SARS1: variants seen among roughly 807,000 people sequenced by gnomAD.
SARS1 encodes the protein serine--tRNA ligase, cytoplasmic.
A neutral mutation model predicts 63.7 loss-of-function variants in SARS1; 25 were observed. The observed-to-expected ratio is 0.39, with a 90% confidence interval of 0.29 to 0.55. SARS1 has a LOEUF of 0.55. Ranked by LOEUF, SARS1 falls within the 20% of genes least tolerant of loss-of-function variation. The probability of loss-of-function intolerance (pLI) is 0.62; values close to 1 mark genes in which losing one functional copy is unlikely to be tolerated. For synonymous variants in SARS1, 231 were observed against 243.5 expected (o/e 0.95, Z 0.48); for missense variants, 417 against 649.7 (o/e 0.64, Z 3.89).
At chr1:109,225,124 A>G (rs1175304588) in intron 2 of SARS1, among the ~76,000 whole-genome samples, 2 of 152,156 alleles carry the variant, frequency 1.3e-5, no homozygotes, top group African/African-American at 2.4e-5. Flanking sequence ...AAATAAATTA[A>G]TTAATTAAAT....
chr1:109,228,329 T>C (rs749466677), intron 2 of SARS1, 23 bp from the exon 3 acceptor site: 7 of 1,559,544 alleles, frequency 4.5e-6, no homozygotes, highest in Non-Finnish European at 6.2e-6. Context: ...TTTATTTGTG[T>C]TGGGTTTTTT....
rs980571980 is a variant in SARS1 at position 109,215,388 on chromosome 1, C to G, written c.136+1260C>G. Reference sequence around the variant, plus strand: ...AATGACTTTGAATGTGTTAGCTAGTCTTTTGGGTATAATGTCCACATCTGA... The same window carrying G: ...AATGACTTTGAATGTGTTAGCTAGTGTTTTGGGTATAATGTCCACATCTGA... On this transcript the variant is annotated intron_variant, in intron 1 of 10. Coordinates refer to ENST00000234677, the MANE Select transcript of SARS1 (RefSeq NM_006513.4). The G allele has an allele frequency of 9.1e-6, 9 of 985,340 alleles. No individual in the cohort carries two copies. In the African/African-American group the frequency reaches 1.4e-4, roughly 15 times the overall value. The allele number at this position is 985,340 out of a possible 1,614,324, so 61.0% of individuals were successfully genotyped here. A position where few individuals can be genotyped will look rare whatever the true frequency, so the allele number is the denominator to read the frequency against.
chr1:109,237,288 C>T lies in SARS1; in HGVS notation c.1302C>T (p.Thr434=), dbSNP rs745862569. The change falls in exon 10 of 11, where the codon ACC becomes ACT. Residue 434 remains threonine, a synonymous_variant. Coordinates refer to ENST00000234677, the MANE Select transcript of SARS1 (RefSeq NM_006513.4). The surrounding 1 kb of genome is among the most constrained non-coding windows in gnomAD (Gnocchi z 4.1). ...HMLNATMCAT[T]RTICAILENY... is the part of the protein sequence containing the mutation. ...TCAATGCTACCATGTGCGCCACTAC[C>T]CGTACCATCTGCGCCATCCTGGAGA... 4 of 1,614,144 alleles carry T rather than the reference C, an allele frequency of 2.5e-6. No homozygotes were observed. The Admixed American group carries it at 5.0e-5, about 20-fold the overall frequency.
intron 1 of SARS1, among the ~76,000 whole-genome samples, chr1:109,222,679 T>C (rs1654976288): frequency 6.6e-6 from 1 of 152,196 alleles, no homozygotes; most frequent in African/African-American, 2.4e-5. Context: ...GCTCTCTAGG[T>C]GCTATCTTAT....
chr1:109,225,158 T>C (rs1039806084), intron 2 of SARS1, among the ~76,000 whole-genome samples: 1 of 152,106 alleles, frequency 6.6e-6, no homozygotes, highest in African/African-American at 2.4e-5. Context: ...TAGATAACTT[T>C]TACATTGTAA....
chr1:109,236,241 T>C lies in SARS1; in HGVS notation c.1099+135T>C, dbSNP rs920745062. On this transcript the variant is annotated intron_variant, in intron 8 of 10. Coordinates refer to ENST00000234677, the MANE Select transcript of SARS1 (RefSeq NM_006513.4). ...CATTAATTAAAATATTACACTCTTC[T>C]CACTTGGGAGTATTTGGTGTTAAGA... 5 of 1,303,432 alleles carry C rather than the reference T, an allele frequency of 3.8e-6. No homozygotes were observed. The African/African-American group carries it at 4.4e-5, about 12-fold the overall frequency. 80.7% of individuals were successfully genotyped at this position (1,303,432 alleles called of 1,614,324 possible). A position where few individuals can be genotyped will look rare whatever the true frequency, so the allele number is the denominator to read the frequency against.
intron 1 of SARS1, among the ~76,000 whole-genome samples, chr1:109,223,756 A>G (rs1655009365): frequency 6.6e-6 from 1 of 152,192 alleles, no homozygotes; most frequent in Non-Finnish European, 1.5e-5. Flanking sequence ...GTGAGCCGAG[A>G]TTGCACCATT....
chr1:109,233,534 G>A (rs908781125), intron 6 of SARS1, among the ~76,000 whole-genome samples: 1 of 151,352 alleles, frequency 6.6e-6, no homozygotes, highest in Non-Finnish European at 1.5e-5. Context: ...TTTAGAAATG[G>A]CAGAGGGAAT....
At chr1:109,225,487 T>G (rs977732535) in intron 2 of SARS1, among the ~76,000 whole-genome samples, 2 of 152,222 alleles carry the variant, frequency 1.3e-5, no homozygotes, top group African/African-American at 2.4e-5. Context: ...GCCAGCTGGG[T>G]ATTTTTTGAA....
intron 1 of SARS1, among the ~76,000 whole-genome samples, chr1:109,222,884 G>A (rs1424631789): frequency 2.6e-5 from 4 of 152,110 alleles, no homozygotes; most frequent in Non-Finnish European, 4.4e-5. Flanking sequence ...GTGTGGTGGC[G>A]CACACCTGTA....
intron 5 of SARS1, 87 bp downstream of exon 5, chr1:109,231,108 CATA>C (rs1655202704): frequency 1.6e-5 from 14 of 857,538 alleles, no homozygotes; most frequent in Middle Eastern, 9.1e-4. Context: ...TGTAGAGAAA[CATA>C]ATCTGTTTAA....
intron 6 of SARS1, among the ~76,000 whole-genome samples, chr1:109,234,764 G>A (rs527836391): frequency 4.5e-4 from 68 of 152,316 alleles, no homozygotes; most frequent in African/African-American, 1.6e-3. Context: ...TCAGGAGTTC[G>A]AGATCAGCTT....
Position 109,214,013 on chromosome 1 carries a change from G to C in SARS1, c.21G>C (p.Leu7Phe), listed in dbSNP as rs1654728241. MVLDLDLFRVDKGGDPA... is the reference protein window; with the variant it reads MVLDLDFFRVDKGGDPA... The stretch of plus-strand genomic sequence containing the variant: ...AGAAGATGGTGCTGGATCTGGATTT[G>C]TTTCGGGTGGATAAAGGAGGGGACC... Residue 7 changes from leucine (L) to phenylalanine (F), a missense_variant, in exon 1 of 11, where the codon TTG (leucine) becomes TTC (phenylalanine). Transcript: ENST00000234677. The surrounding 1 kb of genome is among the most constrained non-coding windows in gnomAD (Gnocchi z 4.6). The C allele has an allele frequency of 1.2e-6, 2 of 1,613,544 alleles. No homozygotes were observed. The highest frequency in any genetic ancestry group is 8.5e-7 in the Non-Finnish European group (1 of 1,179,784).
chr1:109,224,311 T>C (rs1004479580), intron 2 of SARS1, among the ~76,000 whole-genome samples: 1 of 152,244 alleles, frequency 6.6e-6, no homozygotes, highest in African/African-American at 2.4e-5. Context: ...TCTGTTCTTA[T>C]ATTAGAAATA....
Position 109,230,935 on chromosome 1 carries a change from T to C in SARS1, c.505T>C (p.Ser169Pro). 2.5e-6 allele frequency: 4 copies of C among 1,599,162 alleles called. No homozygotes were observed. The highest frequency in any genetic ancestry group is 4.6e-5 in the East Asian group (2 of 43,390). Residue 169 changes from serine (S) to proline (P), a missense_variant, in exon 5 of 11, where the codon TCT (serine) becomes CCT (proline). This residue lies in a region of SARS1 where 359 missense variants were observed against 529.6 expected (regional missense o/e 0.68). Transcript: ENST00000234677. The stretch of plus-strand genomic sequence containing the variant: ...TGATTGTACAGTCAGGAAGAAGTAC[T>C]CTCATGTGGACCTGGTGGTGATGGT... ...WGDCTVRKKY[S>P]HVDLVVMVDG...
In SARS1 at chr1:109,231,790, A is replaced by G; in HGVS notation, c.747+4A>G. On this transcript the variant is annotated splice_donor_region_variant and intron_variant, in intron 6 of 10. Transcript: ENST00000234677. Reference sequence around the variant, plus strand: ...GTTTGATGAAGAACTTTATAAGGTGAGTAGCCTGGGTCAGGTGACAGAATG... The same window carrying G: ...GTTTGATGAAGAACTTTATAAGGTGGGTAGCCTGGGTCAGGTGACAGAATG... 1 of 1,526,210 alleles carries G rather than the reference A, an allele frequency of 6.6e-7. No individual in the cohort carries two copies. Among genetic ancestry groups the G allele is most frequent in the Non-Finnish European group, 8.8e-7 (1 of 1,139,240 alleles). 94.5% of individuals were successfully genotyped at this position (1,526,210 alleles called of 1,614,324 possible). A position where few individuals can be genotyped will look rare whatever the true frequency, so the allele number is the denominator to read the frequency against.
In SARS1 at chr1:109,235,246, T is replaced by G. The variant is rs1187161722; in HGVS notation, c.784T>G (p.Ser262Ala). ...GKGSEKSDDN[S>A]YDEKYLIATS... ...AGGCAGTGAAAAGTCTGATGACAAC[T>G]CCTATGATGAGAAGTACCTGATTGC... The change falls in exon 7 of 11, where the codon TCC becomes GCC. Residue 262 changes from serine (S) to alanine (A), a missense_variant. Physicochemically the swap from Ser to Ala is moderately conservative, Grantham distance 99. Coordinates refer to ENST00000234677, the MANE Select transcript of SARS1 (RefSeq NM_006513.4). The surrounding 1 kb of genome is among the most constrained non-coding windows in gnomAD (Gnocchi z 4.7). 6.2e-7 allele frequency: 1 copy of G among 1,614,084 alleles called. No individual in the cohort carries two copies. The highest frequency in any genetic ancestry group is 2.2e-5 in the East Asian group (1 of 44,876).
intron 9 of SARS1, 54 bp downstream of exon 9, chr1:109,236,602 G>A (rs898263819): frequency 1.5e-4 from 240 of 1,574,320 alleles, no homozygotes; most frequent in Non-Finnish European, 1.9e-4. Context: ...CGGCCCGTCC[G>A]AATTATTTCT....
rs989085544 is a variant in SARS1 at position 109,214,336 on chromosome 1, C to A, written c.136+208C>A. 6.6e-6 allele frequency among the ~76,000 whole-genome samples: 1 copy of A among 152,202 alleles called. No individual in the cohort carries two copies. The highest frequency in any genetic ancestry group is 2.4e-5 in the African/African-American group (1 of 41,448). On this transcript the variant is annotated intron_variant, in intron 1 of 10. Transcript: ENST00000234677. The surrounding 1 kb of genome is among the most constrained non-coding windows in gnomAD (Gnocchi z 4.6). ...CTCCTCCACCCGGGCGGAGCGAGGT[C>A]CCTTCCACGCGTGCTCAGTGCCGTT...
Sources: gnomAD v4.1 joint callset for allele counts (sites outside exome capture counted in the v4.1 genomes callset) on GRCh38, gnomAD v4.1.1 for gene constraint, gnomAD v4.1.1 regional missense constraint, Gnocchi (gnomAD v3.1) non-coding constraint, MANE v1.5 for transcripts, NCBI Gene and HGNC (gene_info 2026-07-23, HGNC 2026-07-21) for gene names.